Variants in CCDC171 observed in about 807,000 individuals in gnomAD.
The protein encoded by CCDC171 is coiled-coil domain containing 171, also known as coiled-coil domain-containing protein 171.
In CCDC171, 177 loss-of-function variants were observed where a neutral mutation model predicts 168.2. That is an observed-to-expected ratio of 1.05 (90% CI 0.93 to 1.19). The LOEUF (loss-of-function observed/expected upper bound fraction) is 1.19, where lower values mean the gene tolerates loss of function less well. Among genes scored for constraint, CCDC171 ranks in the 50% most tolerant of loss-of-function variants. The pLI is 0.00. For missense variants in CCDC171, 1,991 were observed against 1,539.0 expected (o/e 1.29, Z -4.91); for synonymous variants, 687 against 540.8 (o/e 1.27, Z -3.75).
chr9:16,015,469 T>C (rs1418200955), intron 3 of CCDC171, among the ~76,000 whole-genome samples: 1 of 152,204 alleles, frequency 6.6e-6, no homozygotes, highest in Non-Finnish European at 1.5e-5. Flanking sequence ...TTATTGTTAT[T>C]GTTCTTGTCA....
intron 25 of CCDC171, among the ~76,000 whole-genome samples, chr9:15,951,539 T>TTTGTTTGC (rs1554695173): frequency 1.3e-5 from 2 of 152,018 alleles, no homozygotes; most frequent in Non-Finnish European, 2.9e-5. Flanking sequence ...TGTTTGTTTG[T>TTTGTTTGC]TTGCTTGTTT....
At chr9:15,820,225 A>C (rs181940319) in intron 21 of CCDC171, among the ~76,000 whole-genome samples, 4,958 of 55,198 alleles carry the variant, frequency 0.09, 1,556 homozygotes, top group African/African-American at 0.17. Context: ...CTAAATGCCC[A>C]CAAGAGAAAG....
rs974890142 is a variant in CCDC171, at chr9:15,610,639, C to A, written c.676-12628C>A. On this transcript the variant is annotated intron_variant, in intron 6 of 25. Coordinates refer to ENST00000380701, the MANE Select transcript of CCDC171 (RefSeq NM_173550.4). ...GTGAAACTCTGTCTAAAAAAAAAAA[C>A]AAAAACCTCCTGGTCCCAAGCCATC... Among the ~76,000 whole-genome samples the A allele has an allele frequency of 6.1e-3, 910 of 149,230 alleles. 7 individuals carry two copies. The highest frequency in any genetic ancestry group is 0.022 in the African/African-American group (885 of 40,674).
chr9:15,868,277 T>A (rs1335742847), intron 23 of CCDC171, among the ~76,000 whole-genome samples: 1 of 152,024 alleles, frequency 6.6e-6, no homozygotes, highest in Non-Finnish European at 1.5e-5. Flanking sequence ...TTTCTATGCT[T>A]GCTGCAGTGC....
intron 3 of CCDC171, among the ~76,000 whole-genome samples, chr9:15,994,049 A>T (rs1025695076): frequency 1.3e-5 from 2 of 152,200 alleles, no homozygotes; most frequent in African/African-American, 4.8e-5. Context: ...AAGAATCGAG[A>T]ACTAGAAATA....
At chr9:16,088,825 A>T in the CCDC171 span, among the ~76,000 whole-genome samples, 10 of 152,210 alleles carry the variant, frequency 6.6e-5, no homozygotes. Flanking sequence ...TCATCAAGCT[A>T]CCATTGATTT....
intron 21 of CCDC171, among the ~76,000 whole-genome samples, chr9:15,790,058 A>G (rs951726271): frequency 1.3e-5 from 2 of 152,158 alleles, no homozygotes; most frequent in Admixed American, 6.5e-5. Context: ...GCCCAATAAC[A>G]TACGTGTGCA....
At chr9:16,009,647 A>G (rs1015852335) in intron 3 of CCDC171, among the ~76,000 whole-genome samples, 3 of 152,174 alleles carry the variant, frequency 2.0e-5, no homozygotes, top group Admixed American at 1.3e-4. Context: ...ACATACATCA[A>G]TAGTCAAATT....
intron 24 of CCDC171, among the ~76,000 whole-genome samples, chr9:15,877,881 A>G (rs1818068527): frequency 6.6e-6 from 1 of 152,218 alleles, no homozygotes. Flanking sequence ...GTAGGCATCC[A>G]GTAAATATTT....
At chr9:15,642,620 C>G (rs1218652482) in intron 7 of CCDC171, among the ~76,000 whole-genome samples, 2 of 151,890 alleles carry the variant, frequency 1.3e-5, no homozygotes, top group South Asian at 2.1e-4. Flanking sequence ...TTCATTATGT[C>G]TATCAACAAA....
At chr9:15,703,767 C>G (rs976492777) in intron 11 of CCDC171, among the ~76,000 whole-genome samples, 5 of 152,210 alleles carry the variant, frequency 3.3e-5, no homozygotes, top group Non-Finnish European at 5.9e-5. Flanking sequence ...TGGATACATA[C>G]TCAGCAGTGG....
intron 10 of CCDC171, among the ~76,000 whole-genome samples, chr9:15,681,771 AT>A (rs1308846274): frequency 6.6e-6 from 1 of 152,114 alleles, no homozygotes. Context: ...CTAGTTCTGC[AT>A]TCACAGTCTG....
chr9:15,778,888 T>C, intron 19 of CCDC171, 80 bp from the exon 20 acceptor site: 5 of 1,046,186 alleles, frequency 4.8e-6, no homozygotes, highest in Non-Finnish European at 6.4e-6. Flanking sequence ...CTAAGTTACA[T>C]TTAATTTAGT....
chr9:15,657,392 G>T, intron 8 of CCDC171, 173 bp downstream of exon 8: 1 of 450,226 alleles, frequency 2.2e-6, no homozygotes, highest in Non-Finnish European at 4.2e-6. Context: ...TGCTACCTTA[G>T]TGGAGGAGTT....
At chr9:15,762,223 A>C (rs1277367788) in intron 18 of CCDC171, among the ~76,000 whole-genome samples, 6 of 149,118 alleles carry the variant, frequency 4.0e-5, no homozygotes, top group Non-Finnish European at 8.9e-5. Flanking sequence ...CAACATAGTT[A>C]TCTTTTCAGG....
chr9:15,704,042 G>A (rs955690395), intron 11 of CCDC171, among the ~76,000 whole-genome samples: 1 of 152,194 alleles, frequency 6.6e-6, no homozygotes, highest in African/African-American at 2.4e-5. Context: ...GAAACATGAT[G>A]CCAATAGACT....
chr9:15,565,696 G>A (rs985225989), intron 2 of CCDC171, among the ~76,000 whole-genome samples: 35 of 152,238 alleles, frequency 2.3e-4, no homozygotes, highest in African/African-American at 7.7e-4. Context: ...GCAGCCCTTC[G>A]TTTCTTTTTA....
rs10810449 is a variant in CCDC171 at position 15,796,627 on chromosome 9, C to G, written c.3267+11933C>G. ...TTAACTACCACTACAGCAGTCTGAG[C>G]TCCCTGCTCAACCCTGCGGTTGGGG... On this transcript the variant is annotated intron_variant, in intron 21 of 25. Transcript: ENST00000380701. Among the ~76,000 whole-genome samples, 2,476 of 152,346 alleles carry G rather than the reference C, an allele frequency of 0.016. 163 individuals carry two copies. In the East Asian group the frequency reaches 0.2, roughly 12 times the overall value.
At chr9:15,578,330 G>C (rs1280630370) in intron 3 of CCDC171, among the ~76,000 whole-genome samples, 1 of 150,458 alleles carries the variant, frequency 6.6e-6, no homozygotes, top group Non-Finnish European at 1.5e-5. Flanking sequence ...TGCCTCCCAG[G>C]CTCAAGCAAT....
Sources: allele counts gnomAD v4.1 joint callset (sites outside exome capture counted in the v4.1 genomes callset), GRCh38; gene constraint gnomAD v4.1.1; transcripts MANE v1.5; gene names NCBI Gene and HGNC (gene_info 2026-07-23, HGNC 2026-07-21).